TCIRG1: variants seen among roughly 807,000 people sequenced by gnomAD.
The protein encoded by TCIRG1 is V-type proton ATPase 116 kDa subunit a 3.
TCIRG1 carries 86 observed loss-of-function variants against 95.5 expected under a neutral mutation model. The observed-to-expected ratio is 0.90, with a 90% CI of 0.76 to 1.08. The LOEUF (loss-of-function observed/expected upper bound fraction) is 1.08. Among genes scored for constraint, TCIRG1 ranks in the 50% least tolerant of loss-of-function variants. TCIRG1 has a pLI of 0.00. For synonymous variants in TCIRG1, 499 were observed against 501.3 expected, an observed-to-expected ratio of 1.00 and a Z score of 0.06; for missense variants, 1,069 against 1,140.2, an observed-to-expected ratio of 0.94 and a Z score of 0.90.
chr11:68,041,922 G>A (rs1855189479), intron 3 of TCIRG1, 91 bp downstream of exon 3: 2 of 1,221,314 alleles, frequency 1.6e-6, no homozygotes, highest in South Asian at 1.3e-5. Context: ...GGGTTTGCCA[G>A]GTGGAAGGCA....
At chr11:68,041,410 G>A in intron 2 of TCIRG1, 22 bp downstream of exon 2, 1 of 1,543,416 alleles carries the variant, frequency 6.5e-7, no homozygotes, top group Non-Finnish European at 8.9e-7. Flanking sequence ...GGGCAGGCGT[G>A]GGAAGGGGGC....
At chr11:68,047,622 C>A (rs376362981) in intron 11 of TCIRG1, 25 bp from the exon 12 acceptor site, 29 of 1,612,990 alleles carry the variant, frequency 1.8e-5, no homozygotes, top group Non-Finnish European at 2.3e-5. Context: ...CCAGGCAGCC[C>A]CTCACCACAC....
In TCIRG1 at chr11:68,044,182, G is replaced by T; in HGVS notation, c.858G>T (p.Leu286=). The T allele has an allele frequency of 6.4e-7, 1 of 1,555,248 alleles. No individual in the cohort carries two copies. Among genetic ancestry groups the T allele is most frequent in the Non-Finnish European group, 8.7e-7 (1 of 1,149,876 alleles). Residue 286 remains leucine, a synonymous_variant, in exon 9 of 20, where the codon CTG becomes CTT. Coordinates refer to ENST00000265686, the MANE Select transcript of TCIRG1 (RefSeq NM_006019.4). Reference sequence around the variant, plus strand: ...TGAGCCAGGTGCTAGGCCGGGTGCTGCAGCTGCTGCCGCCAGGGCAGGTGC... The same window carrying T: ...TGAGCCAGGTGCTAGGCCGGGTGCTTCAGCTGCTGCCGCCAGGGCAGGTGC... ...RFLSQVLGRV[L]QLLPPGQVQV... is the part of the protein sequence containing the mutation.
chr11:68,048,047 C>G, intron 13 of TCIRG1, 75 bp downstream of exon 13: 1 of 1,347,392 alleles, frequency 7.4e-7, no homozygotes, highest in Non-Finnish European at 1.1e-6. Context: ...CTCGGTTCAG[C>G]CGTCCTGCAG....
rs761222825 is a variant in TCIRG1, at chr11:68,049,041, G to C, written c.1674-40G>C. ...CGGGGGACGGGAGGCTGGCAGGCCAGAGTGGGCCCCAGTGAGCACACCTCC... is the reference window on the plus strand; with the variant it reads ...CGGGGGACGGGAGGCTGGCAGGCCACAGTGGGCCCCAGTGAGCACACCTCC... On this transcript the variant is annotated intron_variant, in intron 14 of 19. Transcript: ENST00000265686. 1.3e-5 allele frequency: 21 copies of C among 1,612,938 alleles called. 1 individual carries two copies. The South Asian group carries it at 2.2e-4, about 17-fold the overall frequency.
At chr11:68,044,804 G>A in intron 9 of TCIRG1, 154 bp from the exon 10 acceptor site, 1 of 961,656 alleles carries the variant, frequency 1.0e-6, no homozygotes, top group Non-Finnish European at 1.6e-6. Context: ...CACCAGGGCA[G>A]AGCAGGGCTG....
In TCIRG1 at chr11:68,042,869, C is replaced by G; in HGVS notation, c.417+6C>G. ...GCCAGGGCCATGAACCTCAGGTCAG[C>G]TCCCACCCAGGCAGGAGACTGGGGG... On this transcript the variant is annotated splice_donor_region_variant and intron_variant, in intron 4 of 19. Coordinates refer to ENST00000265686, the MANE Select transcript of TCIRG1 (RefSeq NM_006019.4). 1 of 1,549,966 alleles carries G rather than the reference C, an allele frequency of 6.5e-7. No individual in the cohort carries two copies. Among genetic ancestry groups the G allele is most frequent in the Non-Finnish European group, 8.7e-7 (1 of 1,146,728 alleles).
downstream of TCIRG1, chr11:68,052,475 A>C (rs1855830965): frequency 6.6e-6 from 1 of 152,246 alleles, no homozygotes; most frequent in South Asian, 2.1e-4. Flanking sequence ...CCTGTGCAGG[A>C]GCGCAACACC....
intron 1 of TCIRG1, among the ~76,000 whole-genome samples, chr11:68,040,357 C>T (rs1042220673): frequency 2.6e-5 from 4 of 152,246 alleles, no homozygotes; most frequent in Non-Finnish European, 5.9e-5. Context: ...CCACCTGCAG[C>T]CTTGGGCCAT....
In TCIRG1 at chr11:68,050,051, TGAA is replaced by T. The variant is rs1474944577; in HGVS notation, c.2106_2108del (p.Glu704del). ...AGGAAAAGGCAGGGGGCCTGGATGA[TGAA>T]GAGGAGGCCGAGGTGGGTGCAGTGC... On this transcript the variant is annotated inframe_deletion, in exon 17 of 20. Transcript: ENST00000265686. The T allele has an allele frequency of 3.7e-6, 6 of 1,613,182 alleles. No individual in the cohort carries two copies. The highest frequency in any genetic ancestry group is 5.1e-6 in the Non-Finnish European group (6 of 1,179,884).
chr11:68,043,382 G>A lies in TCIRG1; in HGVS notation c.515G>A (p.Gly172Asp). Residue 172 changes from glycine to aspartate, a missense_variant, in exon 6 of 20, where the codon GGT becomes GAT. By Grantham distance (94) the Gly-to-Asp change is moderately conservative. Transcript: ENST00000265686. ...CCCGTGGCCGCCAGCTTTGTGGCAG[G>A]TGCCGTGGAGCCCCACAAGGCCCCT... ...HQDLRVNFVAGAVEPHKAPAL... is the reference protein window; with the variant it reads ...HQDLRVNFVADAVEPHKAPAL... 6.5e-7 allele frequency: 1 copy of A among 1,540,010 alleles called. No homozygotes were observed. Among genetic ancestry groups the A allele is most frequent in the Non-Finnish European group, 8.7e-7 (1 of 1,146,470 alleles).
intron 1 of TCIRG1, among the ~76,000 whole-genome samples, chr11:68,039,464 C>T (rs1291527471): frequency 6.6e-6 from 1 of 152,160 alleles, no homozygotes; most frequent in Non-Finnish European, 1.5e-5. Flanking sequence ...GGTCATTTGA[C>T]TCCAGAGCCC....
At chr11:68,045,620 C>T (rs1855440232) in intron 10 of TCIRG1, among the ~76,000 whole-genome samples, 1 of 151,166 alleles carries the variant, frequency 6.6e-6, no homozygotes, top group African/African-American at 2.4e-5. Context: ...ATGGCATGAT[C>T]TCGGCTCACT....
At chr11:68,051,987 AG>A (rs1855813207), downstream of TCIRG1, 5 of 152,866 alleles carry the variant, frequency 3.3e-5, no homozygotes, top group African/African-American at 9.6e-5. Context: ...GGTGCCTGGC[AG>A]TGGTGGCTAG....
rs764846667 is a variant in TCIRG1, at chr11:68,044,266, G to C, written c.942G>C (p.Thr314=). The C allele has an allele frequency of 1.9e-6, 3 of 1,604,284 alleles. No individual in the cohort carries two copies. Among genetic ancestry groups the C allele is most frequent in the African/African-American group, 1.3e-5 (1 of 74,962 alleles). The stretch of plus-strand genomic sequence containing the variant: ...TGAACCAGTGCAGCGTGAGCACCAC[G>C]CACAAGTGCCTCATTGCCGAGGCCT... ...LALNQCSVST[T]HKCLIAEAWC... Residue 314 remains threonine, a synonymous_variant, in exon 9 of 20, where the codon ACG becomes ACC. Coordinates refer to ENST00000265686, the MANE Select transcript of TCIRG1 (RefSeq NM_006019.4).
Position 68,041,816 on chromosome 11 carries a change from C to A in TCIRG1, c.181C>A (p.Leu61Met). ...FVVDVRRCEE[L>M]EKTFTFLQEE... ...GGTTGATGTTCGGCGCTGTGAGGAGCTGGAGAAGACCTTCAGTGAGTTGGT... is the reference window on the plus strand; with the variant it reads ...GGTTGATGTTCGGCGCTGTGAGGAGATGGAGAAGACCTTCAGTGAGTTGGT... The change falls in exon 3 of 20, where the codon CTG (leucine) becomes ATG (methionine). Residue 61 changes from leucine to methionine, a missense_variant. Physicochemically the swap from Leu to Met is conservative, Grantham distance 15. Coordinates refer to ENST00000265686, the MANE Select transcript of TCIRG1 (RefSeq NM_006019.4). The A allele has an allele frequency of 1.2e-6, 2 of 1,608,318 alleles. No individual in the cohort carries two copies. Among genetic ancestry groups the A allele is most frequent in the Non-Finnish European group, 1.7e-6 (2 of 1,177,386 alleles).
chr11:68,047,863 C>G lies in TCIRG1; in HGVS notation c.1464-19C>G. On this transcript the variant is annotated intron_variant, in intron 12 of 19. Coordinates refer to ENST00000265686, the MANE Select transcript of TCIRG1 (RefSeq NM_006019.4). ...CGCAGCACCCGCAGCCCTGACCGCC[C>G]TCCCCTGCGTTGCCGCAGTGATGCA... 3.7e-6 allele frequency: 6 copies of G among 1,613,248 alleles called. No individual in the cohort carries two copies. The highest frequency in any genetic ancestry group is 5.1e-6 in the Non-Finnish European group (6 of 1,179,836).
intron 10 of TCIRG1, 120 bp downstream of exon 10, chr11:68,045,222 G>C: frequency 2.4e-6 from 3 of 1,238,310 alleles, no homozygotes; most frequent in Non-Finnish European, 3.4e-6. Flanking sequence ...GGGATGAGGG[G>C]CACACATCCC....
chr11:68,049,227 T>C lies in TCIRG1; in HGVS notation c.1820T>C (p.Leu607Pro), dbSNP rs1243069840. The change falls in exon 15 of 20, where the codon CTC becomes CCC. Residue 607 changes from leucine to proline, a missense_variant. Transcript: ENST00000265686. ...AARAASAPSI[L>P]IHFINMFLFS... Reference sequence around the variant, plus strand: ...AGGGCCGCCTCGGCCCCCAGCATCCTCATCCACTTCATCAACATGTTCCTC... The same window carrying C: ...AGGGCCGCCTCGGCCCCCAGCATCCCCATCCACTTCATCAACATGTTCCTC... 1 of 1,613,870 alleles carries C rather than the reference T, an allele frequency of 6.2e-7. No homozygotes were observed. The highest frequency in any genetic ancestry group is 1.1e-5 in the South Asian group (1 of 91,092).
Sources: allele counts gnomAD v4.1 joint callset (sites outside exome capture counted in the v4.1 genomes callset), GRCh38; gene constraint gnomAD v4.1.1; transcripts MANE v1.5; gene names NCBI Gene and HGNC (gene_info 2026-07-23, HGNC 2026-07-21).